POLA1: variants seen among roughly 807,000 people sequenced by gnomAD.
POLA1 encodes the protein DNA polymerase alpha 1, catalytic subunit, also known as DNA polymerase alpha catalytic subunit.
POLA1 carries 15 observed loss-of-function variants against 124.0 expected under a neutral mutation model. That is an observed-to-expected ratio of 0.12 (90% CI 0.08 to 0.19). The LOEUF is 0.19. Among genes scored for constraint, POLA1 ranks in the 10% least tolerant of loss-of-function variants. The probability of loss-of-function intolerance (pLI) is 1.00; values close to 1 mark genes in which losing one functional copy is unlikely to be tolerated. For synonymous variants in POLA1, 408 were observed against 389.4 expected (o/e 1.05, Z -0.56); for missense variants, 886 against 1,103.4 (o/e 0.80, Z 2.79).
At chrX:24,759,286 A>G (rs2148421247) in intron 26 of POLA1, among the ~76,000 whole-genome samples, 1 of 112,410 alleles carries the variant, frequency 8.9e-6, no homozygotes, top group African/African-American at 3.2e-5. Flanking sequence ...ACTAGTATCA[A>G]TACTTAAAAA....
chrX:24,851,480 A>G (rs774582784), intron 34 of POLA1, among the ~76,000 whole-genome samples: 1 of 113,198 alleles, frequency 8.8e-6, no homozygotes, highest in South Asian at 3.6e-4. Context: ...AGCCTTCGCT[A>G]TTCGCATTAC....
chrX:24,946,993 T>G (rs1381899817), intron 36 of POLA1, among the ~76,000 whole-genome samples: 2 of 111,408 alleles, frequency 1.8e-5, no homozygotes, highest in African/African-American at 6.5e-5. Flanking sequence ...TCTGTCTACT[T>G]TCTGACAATT....
chrX:24,903,127 G>A lies in POLA1; in HGVS notation c.4164+15005G>A, dbSNP rs1028226841. Among the ~76,000 whole-genome samples, 3 of 112,710 alleles carry A rather than the reference G, an allele frequency of 2.7e-5. No homozygotes were observed. In the Admixed American group the frequency reaches 2.8e-4, roughly 11 times the overall value. On this transcript the variant is annotated intron_variant, in intron 35 of 36. Transcript: ENST00000379068. ...TTTTATGTATTCCTGTATTGCTTGGGTGCATTTCTTGCATTCACCTAATAT... is the reference window on the plus strand; with the variant it reads ...TTTTATGTATTCCTGTATTGCTTGGATGCATTTCTTGCATTCACCTAATAT...
intron 4 of POLA1, among the ~76,000 whole-genome samples, chrX:24,706,406 C>T (rs1183607089): frequency 9.0e-6 from 1 of 111,705 alleles, no homozygotes; most frequent in East Asian, 2.8e-4. Context: ...ATCCTGGTTC[C>T]TTTTAGTGGG....
intron 12 of POLA1, 69 bp downstream of exon 12, chrX:24,724,520 T>C: frequency 1.9e-6 from 1 of 536,024 alleles, no homozygotes; most frequent in Non-Finnish European, 3.1e-6. Flanking sequence ...CAAATAGTTA[T>C]TGCATATTTT....
intron 36 of POLA1, among the ~76,000 whole-genome samples, chrX:24,944,024 C>T (rs1463957097): frequency 2.7e-5 from 3 of 111,722 alleles, no homozygotes; most frequent in Non-Finnish European, 3.8e-5. Flanking sequence ...TGAATGAAGC[C>T]TCTTAATTTA....
intron 34 of POLA1, among the ~76,000 whole-genome samples, chrX:24,883,121 A>G (rs1032580645): frequency 1.8e-5 from 2 of 111,816 alleles, no homozygotes; most frequent in African/African-American, 6.5e-5. Context: ...ATTTTTTCGT[A>G]TGCTTGTTGG....
chrX:24,753,175 T>C (rs1162778176), intron 26 of POLA1, among the ~76,000 whole-genome samples: 1 of 107,527 alleles, frequency 9.3e-6, no homozygotes, highest in African/African-American at 3.4e-5. Context: ...CCCACCACCA[T>C]GCCCAGCTAA....
At chrX:24,913,195 G>A (rs2047475738) in intron 35 of POLA1, among the ~76,000 whole-genome samples, 2 of 112,112 alleles carry the variant, frequency 1.8e-5, no homozygotes. Flanking sequence ...CCAACATCTT[G>A]GATGAATAGC....
chrX:24,881,598 G>A (rs1317183734), intron 34 of POLA1, among the ~76,000 whole-genome samples: 1 of 111,429 alleles, frequency 9.0e-6, no homozygotes, highest in Non-Finnish European at 1.9e-5. Context: ...AGACTGGGGA[G>A]GACAGTACCA....
chrX:24,788,020 C>A (rs753669227), intron 26 of POLA1, among the ~76,000 whole-genome samples: 1 of 112,182 alleles, frequency 8.9e-6, no homozygotes, highest in Admixed American at 9.4e-5. Flanking sequence ...ACATCATAAT[C>A]AAATGGGATT....
intron 30 of POLA1, among the ~76,000 whole-genome samples, chrX:24,821,031 C>A (rs1047089447): frequency 9.0e-6 from 1 of 111,457 alleles, no homozygotes; most frequent in Non-Finnish European, 1.9e-5. Context: ...TTTCTAGTGC[C>A]TTTGGGATTT....
At chrX:24,892,008 A>G (rs2047147900) in intron 35 of POLA1, among the ~76,000 whole-genome samples, 1 of 111,426 alleles carries the variant, frequency 9.0e-6, no homozygotes, top group Admixed American at 9.6e-5. Flanking sequence ...TGACTTGAGT[A>G]CTTTCCAGAA....
intron 35 of POLA1, among the ~76,000 whole-genome samples, chrX:24,917,128 C>G (rs2047545411): frequency 9.0e-6 from 1 of 110,822 alleles, no homozygotes; most frequent in Non-Finnish European, 1.9e-5. Flanking sequence ...CCCGTCTCTA[C>G]TAAAAATAGA....
At chrX:24,707,885 T>G (rs1017136147) in intron 4 of POLA1, among the ~76,000 whole-genome samples, 1 of 111,471 alleles carries the variant, frequency 9.0e-6, no homozygotes, top group Non-Finnish European at 1.9e-5. Context: ...ACCCAGCTAC[T>G]TGGGAGGCTG....
chrX:24,741,115 TTGTGTGTGTG>T (rs751996539), intron 20 of POLA1, among the ~76,000 whole-genome samples: 1 of 89,577 alleles, frequency 1.1e-5, no homozygotes, highest in Non-Finnish European at 2.2e-5. Context: ...TTATGGGATT[TTGTGTGTGTG>T]TGTGTGTGTG....
chrX:24,908,996 C>G (rs2047406545), intron 35 of POLA1, among the ~76,000 whole-genome samples: 2 of 112,223 alleles, frequency 1.8e-5, no homozygotes, highest in African/African-American at 6.5e-5. Context: ...TGATGATGAG[C>G]ATTTTTTCAT....
At chrX:24,914,870 A>G (rs373116781) in intron 35 of POLA1, among the ~76,000 whole-genome samples, 7 of 112,080 alleles carry the variant, frequency 6.2e-5, no homozygotes, top group African/African-American at 2.3e-4. Context: ...ACCCCTTTCA[A>G]ACATCCCTTC....
chrX:24,922,764 C>T (rs762234111), intron 35 of POLA1, among the ~76,000 whole-genome samples: 28 of 111,393 alleles, frequency 2.5e-4, no homozygotes, highest in Non-Finnish European at 4.7e-4. Context: ...GAACTTGGCC[C>T]ACTATCTCAG....
Sources: gnomAD v4.1 joint callset for allele counts (sites outside exome capture counted in the v4.1 genomes callset) on GRCh38, gnomAD v4.1.1 for gene constraint, MANE v1.5 for transcripts, NCBI Gene and HGNC (gene_info 2026-07-23, HGNC 2026-07-21) for gene names.